Variants in KCNB2 observed in about 807,000 individuals in gnomAD.
KCNB2 encodes potassium voltage-gated channel subfamily B member 2, also known as delayed rectifier potassium channel protein.
A neutral mutation model predicts 61.5 loss-of-function variants in KCNB2; 15 were observed. That is an observed-to-expected ratio of 0.24 (90% CI 0.16 to 0.38). The LOEUF (loss-of-function observed/expected upper bound fraction) is 0.38, where lower values mean the gene tolerates loss of function less well. KCNB2 is among the 10% of genes least tolerant of loss of function. The pLI is 1.00. For synonymous variants in KCNB2, 457 were observed against 446.0 expected (o/e 1.02, Z -0.31); for missense variants, 828 against 1,125.2 (o/e 0.74, Z 3.78).
chr8:72,564,958 G>T (rs1157417397), intron 1 of KCNB2, among the ~76,000 whole-genome samples: 4 of 152,108 alleles, frequency 2.6e-5, no homozygotes, highest in Non-Finnish European at 1.5e-5. Flanking sequence ...CTTGTAATGA[G>T]CATTTCACAT....
intron 2 of KCNB2, among the ~76,000 whole-genome samples, chr8:72,685,143 C>A (rs966769173): frequency 2.6e-5 from 4 of 152,120 alleles, no homozygotes; most frequent in Non-Finnish European, 5.9e-5. Flanking sequence ...AAGAAAACTT[C>A]TGACATAAAG....
intron 2 of KCNB2, among the ~76,000 whole-genome samples, chr8:72,570,260 GT>G: frequency 6.6e-6 from 1 of 152,192 alleles, no homozygotes; most frequent in Admixed American, 6.5e-5. Flanking sequence ...AAAGACATTG[GT>G]TTTGGAAAAT....
At position 72,738,254 on chromosome 8, in the gene KCNB2, G is replaced by C. The variant is rs191543355; in HGVS notation, c.579+169941G>C. 2.0e-5 allele frequency among the ~76,000 whole-genome samples: 3 copies of C among 152,224 alleles called. No individual in the cohort carries two copies. The East Asian group carries it at 5.8e-4, about 29-fold the overall frequency. ...AAGGTTAAGAGCCCTCATTTTAGAG[G>C]AAATGGCTACCTACAATTTCTGAAC... On this transcript the variant is annotated intron_variant, in intron 2 of 2. Coordinates refer to ENST00000523207, the MANE Select transcript of KCNB2 (RefSeq NM_004770.3).
intron 2 of KCNB2, among the ~76,000 whole-genome samples, chr8:72,784,772 A>G (rs998272765): frequency 1.6e-4 from 25 of 152,242 alleles, no homozygotes; most frequent in African/African-American, 5.3e-4. Flanking sequence ...TTGGGTGGGG[A>G]CACAGCCAAA....
At chr8:72,910,494 T>A (rs1437069285) in intron 2 of KCNB2, among the ~76,000 whole-genome samples, 1 of 151,938 alleles carries the variant, frequency 6.6e-6, no homozygotes, top group African/African-American at 2.4e-5. Context: ...CAATAGAGAT[T>A]GAAAAGTAAC....
Position 72,584,487 on chromosome 8 carries a change from TA to T in KCNB2, c.579+16183del, listed in dbSNP as rs995464383. 5.3e-5 allele frequency among the ~76,000 whole-genome samples: 8 copies of T among 151,292 alleles called. No homozygotes were observed. The South Asian group carries it at 8.3e-4, about 16-fold the overall frequency. On this transcript the variant is annotated intron_variant, in intron 2 of 2. Coordinates refer to ENST00000523207, the MANE Select transcript of KCNB2 (RefSeq NM_004770.3). ...ATTATGGAACAGAGAAAAAAACTATTAAAAAAAAACTCTTACCTTTTACTAC... is the reference window on the plus strand; with the variant it reads ...ATTATGGAACAGAGAAAAAAACTATTAAAAAAAACTCTTACCTTTTACTAC...
chr8:72,666,083 C>T (rs191789796), intron 2 of KCNB2, among the ~76,000 whole-genome samples: 1 of 152,316 alleles, frequency 6.6e-6, no homozygotes, highest in East Asian at 1.9e-4. Context: ...TAAGTAAAAT[C>T]GGAAAGATGT....
chr8:72,906,301 C>G (rs796603271), intron 2 of KCNB2, among the ~76,000 whole-genome samples: 2 of 152,184 alleles, frequency 1.3e-5, no homozygotes, highest in Admixed American at 1.3e-4. Context: ...TTTTAAGAAG[C>G]CAATGAATCT....
chr8:72,857,615 G>C (rs1490940631), intron 2 of KCNB2, among the ~76,000 whole-genome samples: 1 of 151,990 alleles, frequency 6.6e-6, no homozygotes, highest in Non-Finnish European at 1.5e-5. Flanking sequence ...ATGGAGGTTG[G>C]TAGATGAAGT....
At chr8:72,771,798 A>G (rs544157060) in intron 2 of KCNB2, among the ~76,000 whole-genome samples, 29 of 152,240 alleles carry the variant, frequency 1.9e-4, no homozygotes, top group African/African-American at 7.0e-4. Flanking sequence ...TTTTGATATA[A>G]TATTATAAAA....
At chr8:72,651,773 C>A in intron 2 of KCNB2, among the ~76,000 whole-genome samples, 1 of 152,042 alleles carries the variant, frequency 6.6e-6, no homozygotes, top group East Asian at 1.9e-4. Flanking sequence ...TGTATCATTT[C>A]ATGATACAAT....
rs141573906 is a variant in KCNB2 at position 72,903,410 on chromosome 8, G to A, written c.580-32525G>A. On this transcript the variant is annotated intron_variant, in intron 2 of 2. Coordinates refer to ENST00000523207, the MANE Select transcript of KCNB2 (RefSeq NM_004770.3). ...GTGCTCCAACTCTTGTCTGTCGCTG[G>A]CTGGACAACCTAAGAATTCAACTGG... Among the ~76,000 whole-genome samples the A allele has an allele frequency of 1.1e-3, 175 of 152,214 alleles. 1 individual carries two copies. Among genetic ancestry groups the A allele is most frequent in the Admixed American group, 2.4e-3 (37 of 15,294 alleles).
chr8:72,915,851 G>A (rs181406491), intron 2 of KCNB2, among the ~76,000 whole-genome samples: 6 of 152,258 alleles, frequency 3.9e-5, no homozygotes, highest in Non-Finnish European at 5.9e-5. Flanking sequence ...CCCGGGAGGC[G>A]GAGCTTGCAG....
At position 72,612,308 on chromosome 8, in the gene KCNB2, T is replaced by C. The variant is rs185286295; in HGVS notation, c.579+43995T>C. On this transcript the variant is annotated intron_variant, in intron 2 of 2. Coordinates refer to ENST00000523207, the MANE Select transcript of KCNB2 (RefSeq NM_004770.3). Reference sequence around the variant, plus strand: ...TCAGTGAAGAGTGACATTTAACCTGTCCACAAGTGACCAAAGACTTGTTAT... The same window carrying C: ...TCAGTGAAGAGTGACATTTAACCTGCCCACAAGTGACCAAAGACTTGTTAT... Among the ~76,000 whole-genome samples the C allele has an allele frequency of 2.6e-5, 4 of 152,312 alleles. No individual in the cohort carries two copies. The East Asian group carries it at 5.8e-4, about 22-fold the overall frequency.
chr8:72,827,595 G>A (rs570607203), intron 2 of KCNB2, among the ~76,000 whole-genome samples: 1 of 152,166 alleles, frequency 6.6e-6, no homozygotes, highest in East Asian at 1.9e-4. Flanking sequence ...CTCTAAATAG[G>A]TCACAGGCCA....
rs1809508625 is a variant in KCNB2 at position 72,821,627 on chromosome 8, CACACAAAAAAAAACAA to C, written c.580-114306_580-114291del. 1.1e-4 allele frequency among the ~76,000 whole-genome samples: 7 copies of C among 63,988 alleles called. 1 individual carries two copies. In the South Asian group the frequency reaches 5.6e-3, roughly 51 times the overall value. The allele number at this position is 63,988 out of a possible 152,430, so 42.0% of individuals were successfully genotyped here. On this transcript the variant is annotated intron_variant, in intron 2 of 2. Transcript: ENST00000523207. Reference sequence around the variant, plus strand: ...CATTCAAAGTAAGTTCCTACACACACACACAAAAAAAAACAAAAAAAAAAAAAAAAAAACACACACA... The same window carrying C: ...CATTCAAAGTAAGTTCCTACACACACAAAAAAAAAAAAAAAAACACACACA...
chr8:72,856,563 G>A (rs1440146710), intron 2 of KCNB2, among the ~76,000 whole-genome samples: 1 of 152,164 alleles, frequency 6.6e-6, no homozygotes. Flanking sequence ...CTATGTTGAT[G>A]GGATGAAATA....
At chr8:72,808,140 T>G (rs891614447) in intron 2 of KCNB2, among the ~76,000 whole-genome samples, 11 of 152,194 alleles carry the variant, frequency 7.2e-5, no homozygotes, top group Admixed American at 3.3e-4. Context: ...CTGAATCTTA[T>G]GCTGACAGGG....
intron 2 of KCNB2, among the ~76,000 whole-genome samples, chr8:72,833,140 C>T (rs910561998): frequency 3.3e-5 from 5 of 152,206 alleles, no homozygotes; most frequent in African/African-American, 1.2e-4. Flanking sequence ...TTGAAGGTAA[C>T]GTTGGTTTTG....
Sources: allele counts gnomAD v4.1 joint callset (sites outside exome capture counted in the v4.1 genomes callset), GRCh38; gene constraint gnomAD v4.1.1; transcripts MANE v1.5; gene names NCBI Gene and HGNC (gene_info 2026-07-23, HGNC 2026-07-21).